Variants in LURAP1 observed in about 807,000 individuals in gnomAD.
LURAP1 encodes the protein leucine rich adaptor protein 1.
LURAP1 carries 14 observed loss-of-function variants against 19.0 expected under a neutral mutation model. The observed-to-expected ratio is 0.74, with a 90% CI of 0.49 to 1.15. LURAP1 has a LOEUF of 1.15. Among genes scored for constraint, LURAP1 ranks in the 50% most tolerant of loss-of-function variants. The probability of loss-of-function intolerance (pLI) is 0.00; values close to 1 mark genes in which losing one functional copy is unlikely to be tolerated. For missense variants in LURAP1, 273 were observed against 309.1 expected (o/e 0.88, Z 0.87); for synonymous variants, 129 against 131.8 (o/e 0.98, Z 0.14).
intron 1 of LURAP1, among the ~76,000 whole-genome samples, chr1:46,218,891 CTT>C (rs1421565413): frequency 6.6e-6 from 1 of 152,106 alleles, no homozygotes; most frequent in African/African-American, 2.4e-5. Context: ...GGTTAGCTCT[CTT>C]TATTCCCCAG....
At chr1:46,211,692 T>C (rs1658900977) in intron 1 of LURAP1, among the ~76,000 whole-genome samples, 1 of 152,176 alleles carries the variant, frequency 6.6e-6, no homozygotes, top group African/African-American at 2.4e-5. Context: ...TTCATATGGC[T>C]CATTAATGGC....
chr1:46,219,842 G>A lies in LURAP1; in HGVS notation c.342G>A (p.Leu114=), dbSNP rs766727534. 3.1e-6 allele frequency: 5 copies of A among 1,614,176 alleles called. No individual in the cohort carries two copies. Among genetic ancestry groups the A allele is most frequent in the Non-Finnish European group, 4.2e-6 (5 of 1,180,030 alleles). Residue 114 remains leucine (L), a synonymous_variant, in exon 2 of 2, where the codon CTG becomes CTA. Transcript: ENST00000371980. ...CSSLTSSQYS[L]TGGSPGRSRR... ...GCCTCACCAGCAGTCAATATAGCCT[G>A]ACAGGCGGGAGCCCAGGCCGCTCAA...
rs368699041 is a variant in LURAP1 at position 46,220,129 on chromosome 1, C to T, written c.629C>T (p.Pro210Leu). The T allele has an allele frequency of 5.0e-6, 8 of 1,614,078 alleles. No individual in the cohort carries two copies. Among genetic ancestry groups the T allele is most frequent in the Non-Finnish European group, 6.8e-6 (8 of 1,180,056 alleles). ...KPPGERLQGG[P>L]PESPEDESAK... ...CCAGGGGAGAGGCTTCAAGGTGGACCACCTGAGTCACCAGAGGATGAGAGT... is the reference window on the plus strand; with the variant it reads ...CCAGGGGAGAGGCTTCAAGGTGGACTACCTGAGTCACCAGAGGATGAGAGT... Residue 210 changes from proline to leucine, a missense_variant, in exon 2 of 2, where the codon CCA (proline) becomes CTA (leucine). By Grantham distance (98) the Pro-to-Leu change is moderately conservative. Coordinates refer to ENST00000371980, the MANE Select transcript of LURAP1 (RefSeq NM_001013615.3).
chr1:46,210,463 G>A (rs1245790148), intron 1 of LURAP1, among the ~76,000 whole-genome samples: 1 of 152,056 alleles, frequency 6.6e-6, no homozygotes, highest in African/African-American at 2.4e-5. Context: ...ACAGGTTGAG[G>A]GCTCAGTCCC....
chr1:46,210,448 A>G (rs918982486), intron 1 of LURAP1, among the ~76,000 whole-genome samples: 2 of 152,158 alleles, frequency 1.3e-5, no homozygotes, highest in Admixed American at 6.5e-5. Context: ...ACAGTGTCAC[A>G]TCCCACAGGT....
At chr1:46,212,333 T>C (rs1248046514) in intron 1 of LURAP1, among the ~76,000 whole-genome samples, 1 of 151,150 alleles carries the variant, frequency 6.6e-6, no homozygotes, top group Non-Finnish European at 1.5e-5. Flanking sequence ...CAGGCTGGAG[T>C]GCAGTGGCGC....
chr1:46,208,747 A>T (rs1463792660), intron 1 of LURAP1, among the ~76,000 whole-genome samples: 1 of 152,144 alleles, frequency 6.6e-6, no homozygotes, highest in Non-Finnish European at 1.5e-5. Context: ...AAGCTGAGGC[A>T]GGAAAATCGC....
chr1:46,211,100 C>A (rs1266811610), intron 1 of LURAP1, among the ~76,000 whole-genome samples: 3 of 152,040 alleles, frequency 2.0e-5, no homozygotes, highest in Admixed American at 6.6e-5. Context: ...TTTAAAGAGA[C>A]TTTATTGGTT....
chr1:46,203,460 C>T lies in LURAP1; in HGVS notation c.34C>T (p.Leu12=). 2 of 1,505,006 alleles carry T rather than the reference C, an allele frequency of 1.3e-6. No individual in the cohort carries two copies. Among genetic ancestry groups the T allele is most frequent in the Non-Finnish European group, 1.8e-6 (2 of 1,127,392 alleles). 93.2% of individuals were successfully genotyped at this position (1,505,006 alleles called of 1,614,324 possible). The part of the protein sequence containing the change: ...EGTVESQTPD[L]RDVEGKVGRK... ...GACCGTGGAGTCCCAGACGCCTGAC[C>T]TGCGGGATGTGGAGGGTAAGGTGGG... Residue 12 remains leucine, a synonymous_variant, in exon 1 of 2, where the codon CTG becomes TTG. Coordinates refer to ENST00000371980, the MANE Select transcript of LURAP1 (RefSeq NM_001013615.3).
rs72897102 is a variant in LURAP1 at position 46,213,066 on chromosome 1, A to G, written c.199-6633A>G. 8.2e-3 allele frequency among the ~76,000 whole-genome samples: 1,255 copies of G among 152,258 alleles called. 19 individuals are homozygous for G. Among genetic ancestry groups the G allele is most frequent in the Middle Eastern group, 0.037 (11 of 294 alleles). ...CCATATAAACATTTTGATCAATGAT[A>G]GACTACATATGTCAAATAAACATTT... On this transcript the variant is annotated intron_variant, in intron 1 of 1. Coordinates refer to ENST00000371980, the MANE Select transcript of LURAP1 (RefSeq NM_001013615.3).
chr1:46,216,862 C>T (rs532563827), intron 1 of LURAP1, among the ~76,000 whole-genome samples: 1 of 152,318 alleles, frequency 6.6e-6, no homozygotes, highest in Non-Finnish European at 1.5e-5. Flanking sequence ...CAATGTTTAG[C>T]TCCCATTTAT....
chr1:46,221,195 C>T lies in LURAP1; in HGVS notation c.*975C>T, dbSNP rs1468105083. The T allele has an allele frequency of 2.0e-5, 3 of 152,262 alleles. No homozygotes were observed. Among genetic ancestry groups the T allele is most frequent in the African/African-American group, 4.8e-5 (2 of 41,462 alleles). 9.4% of individuals were successfully genotyped at this position (152,262 alleles called of 1,614,324 possible). A position where few individuals can be genotyped will look rare whatever the true frequency, so the allele number is the denominator to read the frequency against. On this transcript the variant is annotated 3_prime_UTR_variant, in exon 2 of 2. Coordinates refer to ENST00000371980, the MANE Select transcript of LURAP1 (RefSeq NM_001013615.3). Reference sequence around the variant, plus strand: ...CACTCCTCCTGGCAGGAAAGTTTCTCATTGTCAGATGTTTGTGCTTCTTTT... The same window carrying T: ...CACTCCTCCTGGCAGGAAAGTTTCTTATTGTCAGATGTTTGTGCTTCTTTT...
At position 46,213,369 on chromosome 1, in the gene LURAP1, A is replaced by T. The variant is rs114239031; in HGVS notation, c.199-6330A>T. Among the ~76,000 whole-genome samples the T allele has an allele frequency of 1.0e-2, 1,489 of 149,098 alleles. 70 individuals carry two copies. The highest frequency in any genetic ancestry group is 0.034 in the African/African-American group (1,384 of 41,072). ...TTTCCATATTTTAAAAAGTATATAA[A>T]TTTTTTAAAATGTCATCTAGTTTGT... On this transcript the variant is annotated intron_variant, in intron 1 of 1. Transcript: ENST00000371980.
intron 1 of LURAP1, among the ~76,000 whole-genome samples, chr1:46,213,268 T>C (rs899690838): frequency 1.1e-4 from 16 of 150,952 alleles, no homozygotes; most frequent in African/African-American, 3.6e-4. Flanking sequence ...TACACAAATA[T>C]GATATATGGC....
At chr1:46,209,521 G>A (rs955377717) in intron 1 of LURAP1, among the ~76,000 whole-genome samples, 5 of 149,660 alleles carry the variant, frequency 3.3e-5, no homozygotes, top group African/African-American at 1.2e-4. Flanking sequence ...GGAGATGTAA[G>A]TTCTGTTGTT....
At chr1:46,219,453 T>A (rs983343460) in intron 1 of LURAP1, among the ~76,000 whole-genome samples, 4 of 152,160 alleles carry the variant, frequency 2.6e-5, no homozygotes, top group African/African-American at 9.7e-5. Context: ...CCCTGTGAGG[T>A]AAGTGATTTA....
At chr1:46,206,294 C>T (rs1284205110) in intron 1 of LURAP1, among the ~76,000 whole-genome samples, 1 of 152,170 alleles carries the variant, frequency 6.6e-6, no homozygotes, top group African/African-American at 2.4e-5. Context: ...GAGATGGGGA[C>T]TGTGAAACCA....
intron 1 of LURAP1, among the ~76,000 whole-genome samples, chr1:46,219,295 C>CAA (rs747473864): frequency 2.0e-5 from 2 of 97,590 alleles, no homozygotes; most frequent in Non-Finnish European, 2.2e-5. Context: ...AACTCCATTT[C>CAA]AAAAAAAAAA....
intron 1 of LURAP1, among the ~76,000 whole-genome samples, chr1:46,217,626 G>C (rs958386464): frequency 2.6e-5 from 4 of 152,118 alleles, no homozygotes; most frequent in Non-Finnish European, 5.9e-5. Flanking sequence ...GAAGTCCAAG[G>C]TGGGCAGATT....
Sources: allele counts gnomAD v4.1 joint callset (sites outside exome capture counted in the v4.1 genomes callset), GRCh38; gene constraint gnomAD v4.1.1; transcripts MANE v1.5; gene names NCBI Gene and HGNC (gene_info 2026-07-23, HGNC 2026-07-21).